KDM4D: variants seen among roughly 807,000 people sequenced by gnomAD.
KDM4D encodes lysine demethylase 4D.
For synonymous variants in KDM4D, 254 were observed against 249.1 expected (o/e 1.02, Z -0.19); for missense variants, 427 against 674.8 (o/e 0.63, Z 4.07).
intron 2 of KDM4D, among the ~76,000 whole-genome samples, chr11:94,978,540 C>G (rs1346692894): frequency 6.6e-6 from 1 of 152,132 alleles, no homozygotes; most frequent in African/African-American, 2.4e-5. Context: ...CTGGAGACAG[C>G]CTCCAAATGA....
intron 2 of KDM4D, among the ~76,000 whole-genome samples, chr11:94,976,243 C>T (rs1208036790): frequency 1.3e-5 from 2 of 152,076 alleles, no homozygotes; most frequent in Non-Finnish European, 2.9e-5. Context: ...CTCTTATGCT[C>T]TCCTAATTGT....
At chr11:94,988,038 C>G (rs1555098288) in intron 2 of KDM4D, among the ~76,000 whole-genome samples, 1 of 152,150 alleles carries the variant, frequency 6.6e-6, no homozygotes, top group African/African-American at 2.4e-5. Context: ...GGCAATTTCA[C>G]AGCAAGGAAC....
chr11:94,978,028 A>C (rs1555097164), intron 2 of KDM4D, among the ~76,000 whole-genome samples: 1 of 152,234 alleles, frequency 6.6e-6, no homozygotes, highest in Admixed American at 6.5e-5. Context: ...CCCGATTTCA[A>C]ATGAAGATAT....
rs782018395 is a variant in KDM4D, at chr11:94,997,068, G to T, written c.-305G>T. 1.8e-5 allele frequency: 4 copies of T among 221,480 alleles called. No individual in the cohort carries two copies. The highest frequency in any genetic ancestry group is 3.5e-5 in the Non-Finnish European group (4 of 114,468). 13.7% of individuals were successfully genotyped at this position (221,480 alleles called of 1,614,324 possible). A position where few individuals can be genotyped will look rare whatever the true frequency, so the allele number is the denominator to read the frequency against. ...GGACATTCTCTGCTACATTTGGGTCGTACCCCCAGGTCTGAGTAATTCAAT... is the reference window on the plus strand; with the variant it reads ...GGACATTCTCTGCTACATTTGGGTCTTACCCCCAGGTCTGAGTAATTCAAT... On this transcript the variant is annotated 5_prime_UTR_variant, in exon 3 of 3. Coordinates refer to ENST00000335080, the MANE Select transcript of KDM4D (RefSeq NM_018039.3).
At chr11:94,990,776 A>G (rs988298942) in intron 2 of KDM4D, among the ~76,000 whole-genome samples, 2 of 152,184 alleles carry the variant, frequency 1.3e-5, no homozygotes, top group South Asian at 2.1e-4. Flanking sequence ...ACAGAACCCA[A>G]AAGGCTTAGG....
intron 2 of KDM4D, among the ~76,000 whole-genome samples, chr11:94,981,057 C>T (rs1857838179): frequency 6.6e-6 from 1 of 152,096 alleles, no homozygotes; most frequent in African/African-American, 2.4e-5. Flanking sequence ...TGGATAGATG[C>T]ACTTCATTAA....
At chr11:94,979,266 G>A (rs1590964368) in intron 2 of KDM4D, among the ~76,000 whole-genome samples, 1 of 152,046 alleles carries the variant, frequency 6.6e-6, no homozygotes, top group African/African-American at 2.4e-5. Flanking sequence ...GTCTCACTCT[G>A]TCACCCAGGC....
chr11:94,982,732 T>C (rs1857852745), intron 2 of KDM4D, among the ~76,000 whole-genome samples: 2 of 151,828 alleles, frequency 1.3e-5, no homozygotes, highest in African/African-American at 4.8e-5. Flanking sequence ...GAAAACTTAA[T>C]AGAAAAAAAT....
intron 2 of KDM4D, among the ~76,000 whole-genome samples, chr11:94,993,110 C>T (rs1361952337): frequency 6.6e-6 from 1 of 152,054 alleles, no homozygotes; most frequent in Non-Finnish European, 1.5e-5. Context: ...TTAACTTGCC[C>T]AGTTTAACAC....
At chr11:94,979,024 C>T (rs1484811450) in intron 2 of KDM4D, among the ~76,000 whole-genome samples, 1 of 152,020 alleles carries the variant, frequency 6.6e-6, no homozygotes, top group African/African-American at 2.4e-5. Context: ...CAACATTGAT[C>T]TACTATATAA....
chr11:94,994,650 T>C (rs782201327), intron 2 of KDM4D, among the ~76,000 whole-genome samples: 2 of 151,932 alleles, frequency 1.3e-5, no homozygotes, highest in Non-Finnish European at 2.9e-5. Flanking sequence ...AGTGATGTTC[T>C]GTGAACCAGA....
chr11:94,976,223 C>G (rs776085674), intron 2 of KDM4D, among the ~76,000 whole-genome samples: 4 of 152,086 alleles, frequency 2.6e-5, no homozygotes, highest in Non-Finnish European at 5.9e-5. Flanking sequence ...CTTAATTCTG[C>G]CTGCCAGTCC....
chr11:94,979,209 T>C (rs782649928), intron 2 of KDM4D, among the ~76,000 whole-genome samples: 24 of 152,080 alleles, frequency 1.6e-4, no homozygotes, highest in Non-Finnish European at 2.6e-4. Flanking sequence ...CAAATGCCAA[T>C]GTATGCATTT....
At chr11:94,994,874 A>T (rs1165568404) in intron 2 of KDM4D, among the ~76,000 whole-genome samples, 1 of 152,034 alleles carries the variant, frequency 6.6e-6, no homozygotes. Context: ...ATGACTGATG[A>T]TTTAATAAAG....
chr11:94,980,622 C>G (rs1394062793), intron 2 of KDM4D, among the ~76,000 whole-genome samples: 1 of 151,960 alleles, frequency 6.6e-6, no homozygotes, highest in Non-Finnish European at 1.5e-5. Context: ...ATATTGTTGT[C>G]TTCATAGAAA....
chr11:94,984,723 C>G (rs1480723077), intron 2 of KDM4D, among the ~76,000 whole-genome samples: 2 of 149,312 alleles, frequency 1.3e-5, no homozygotes, highest in African/African-American at 5.0e-5. Context: ...AAAAATTAGC[C>G]AGGCTTGGTG....
chr11:94,978,323 C>A (rs1379565940), intron 2 of KDM4D, among the ~76,000 whole-genome samples: 1 of 152,044 alleles, frequency 6.6e-6, no homozygotes, highest in Non-Finnish European at 1.5e-5. Flanking sequence ...GCCCACATGT[C>A]AGAAATTACA....
chr11:94,981,850 T>G (rs782290945), intron 2 of KDM4D, among the ~76,000 whole-genome samples: 26 of 151,532 alleles, frequency 1.7e-4, no homozygotes, highest in Non-Finnish European at 2.8e-4. Flanking sequence ...TGGTCTCTTA[T>G]TATTTCTCTT....
intron 2 of KDM4D, among the ~76,000 whole-genome samples, chr11:94,984,995 G>C (rs1241714025): frequency 1.3e-5 from 2 of 152,212 alleles, no homozygotes; most frequent in African/African-American, 2.4e-5. Context: ...ATTCAGATCA[G>C]AGAAGGAATC....
Sources: gnomAD v4.1 joint callset for allele counts (sites outside exome capture counted in the v4.1 genomes callset) on GRCh38, gnomAD v4.1.1 for gene constraint, MANE v1.5 for transcripts, NCBI Gene and HGNC (gene_info 2026-07-23, HGNC 2026-07-21) for gene names.